ACAT2: variants seen among roughly 807,000 people sequenced by gnomAD.
ACAT2 encodes the protein acetyl-CoA acetyltransferase 2.
In ACAT2, 26 loss-of-function variants were observed where a neutral mutation model predicts 37.1. The ratio of observed to expected loss-of-function variants is 0.70; its 90% confidence interval spans 0.51 to 0.97. ACAT2 has a LOEUF of 0.97. Ranked by LOEUF, ACAT2 falls within the 50% of genes least tolerant of loss-of-function variation. The pLI is 0.00. For synonymous variants in ACAT2, 156 were observed against 163.6 expected (o/e 0.95, Z 0.35); for missense variants, 468 against 489.0 (o/e 0.96, Z 0.40).
At chr6:159,773,968 C>T (rs1214246637) in intron 4 of ACAT2, among the ~76,000 whole-genome samples, 2 of 151,896 alleles carry the variant, frequency 1.3e-5, no homozygotes, top group Non-Finnish European at 2.9e-5. Flanking sequence ...TTGGATAATC[C>T]AAAAAGAACC....
At chr6:159,766,840 A>C (rs1780263067) in intron 2 of ACAT2, among the ~76,000 whole-genome samples, 165 bp from the exon 3 acceptor site, 1 of 152,248 alleles carries the variant, frequency 6.6e-6, no homozygotes, top group Non-Finnish European at 1.5e-5. Context: ...AGACTGTGAC[A>C]GGTGGAGAGT....
chr6:159,778,905 G>T lies in ACAT2; in HGVS notation c.*76G>T. The T allele has an allele frequency of 6.3e-7, 1 of 1,594,144 alleles. No homozygotes were observed. ...TAGGTTGCAATATGTGAAATCAGAG[G>T]ACCAAAGTACAGATGGAAACCATTT... On this transcript the variant is annotated 3_prime_UTR_variant, in exon 9 of 9. Transcript: ENST00000367048.
At chr6:159,763,928 C>T (rs1164934440) in intron 2 of ACAT2, among the ~76,000 whole-genome samples, 1 of 151,732 alleles carries the variant, frequency 6.6e-6, no homozygotes, top group Non-Finnish European at 1.5e-5. Flanking sequence ...GGTGAAACCC[C>T]GTTTCTACTA....
chr6:159,778,046 C>G, intron 7 of ACAT2, 124 bp from the exon 8 acceptor site: 1 of 643,180 alleles, frequency 1.6e-6, no homozygotes, highest in Non-Finnish European at 2.6e-6. Flanking sequence ...CTGTATTAAC[C>G]TAAGAACAAA....
At position 159,768,639 on chromosome 6, in the gene ACAT2, C is replaced by T. The variant is rs773834409; in HGVS notation, c.490+11C>T. On this transcript the variant is annotated intron_variant, in intron 4 of 8. Coordinates refer to ENST00000367048, the MANE Select transcript of ACAT2 (RefSeq NM_005891.3). ...ATATGGGTATTACAGGTAAGGCAGA[C>T]ATGGCTGAAACTGTATTAGCTTTAA... The T allele has an allele frequency of 1.3e-6, 2 of 1,564,334 alleles. No individual in the cohort carries two copies. The highest frequency in any genetic ancestry group is 1.8e-6 in the Non-Finnish European group (2 of 1,134,900).
rs200076181 is a variant in ACAT2, at chr6:159,763,019, G to A, written c.156G>A (p.Val52=). 6.2e-7 allele frequency: 1 copy of A among 1,613,984 alleles called. No individual in the cohort carries two copies. Among genetic ancestry groups the A allele is most frequent in the African/African-American group, 1.3e-5 (1 of 75,032 alleles). The part of the protein sequence containing the change: ...LKRATVAPED[V]SEVIFGHVLA... Reference sequence around the variant, plus strand: ...GGGCCACTGTGGCTCCGGAAGATGTGTCTGAGGTCATCTTTGGACATGTCT... The same window carrying A: ...GGGCCACTGTGGCTCCGGAAGATGTATCTGAGGTCATCTTTGGACATGTCT... The change falls in exon 2 of 9, where the codon GTG becomes GTA. Residue 52 remains valine, a synonymous_variant. Transcript: ENST00000367048.
chr6:159,763,139 C>T (rs1471312573), intron 2 of ACAT2, 86 bp downstream of exon 2: 2 of 1,499,960 alleles, frequency 1.3e-6, no homozygotes, highest in Non-Finnish European at 1.8e-6. Context: ...CACACACTCA[C>T]ACACTCTCTC....
rs889149379 is a variant in ACAT2, at chr6:159,777,229, G to A, written c.758-73G>A. ...AAAATCATTTAACTCATGTCTTCAGGTGGTAAAGAAGCCACAGATATGTAA... is the reference window on the plus strand; with the variant it reads ...AAAATCATTTAACTCATGTCTTCAGATGGTAAAGAAGCCACAGATATGTAA... On this transcript the variant is annotated intron_variant, in intron 6 of 8. Coordinates refer to ENST00000367048, the MANE Select transcript of ACAT2 (RefSeq NM_005891.3). 3.3e-6 allele frequency: 5 copies of A among 1,497,242 alleles called. No individual in the cohort carries two copies. The Admixed American group carries it at 8.1e-5, about 24-fold the overall frequency. The allele number at this position is 1,497,242 out of a possible 1,614,324, so 92.7% of individuals were successfully genotyped here.
chr6:159,762,623 T>G, intron 1 of ACAT2: 1 of 1,414,314 alleles, frequency 7.1e-7, no homozygotes, highest in South Asian at 1.2e-5. Flanking sequence ...CGCCGGTTCC[T>G]TTTGTTTGGG....
At chr6:159,764,220 A>G (rs1045249024) in intron 2 of ACAT2, among the ~76,000 whole-genome samples, 24 of 152,126 alleles carry the variant, frequency 1.6e-4, no homozygotes, top group Non-Finnish European at 1.0e-4. Flanking sequence ...AGTTCCTCCT[A>G]TGTGCCCCAT....
intron 1 of ACAT2, 85 bp downstream of exon 1, chr6:159,762,227 G>C: frequency 6.8e-7 from 1 of 1,464,996 alleles, no homozygotes; most frequent in East Asian, 2.5e-5. Context: ...TGTAGGAGAG[G>C]GGCGTATGTG....
Position 159,777,371 on chromosome 6 carries a change from C to CT in ACAT2, c.830dup (p.Leu277PhefsTer40). The stretch of plus-strand genomic sequence containing the variant: ...GAAGCTGATAAACGTGGGCTTACAC[C>CT]TTTAGCACGGATAGTTTCCTGGTCC... On this transcript the variant is annotated frameshift_variant, in exon 7 of 9. Coordinates refer to ENST00000367048, the MANE Select transcript of ACAT2 (RefSeq NM_005891.3). LOFTEE classifies it high-confidence loss of function. The CT allele has an allele frequency of 6.2e-7, 1 of 1,614,152 alleles. No homozygotes were observed. Among genetic ancestry groups the CT allele is most frequent in the South Asian group, 1.1e-5 (1 of 91,082 alleles).
Position 159,777,320 on chromosome 6 carries a change from C to G in ACAT2, c.776C>G (p.Ala259Gly). The G allele has an allele frequency of 6.2e-7, 1 of 1,613,560 alleles. No individual in the cohort carries two copies. The highest frequency in any genetic ancestry group is 8.5e-7 in the Non-Finnish European group (1 of 1,179,808). Residue 259 changes from alanine to glycine, a missense_variant, in exon 7 of 9, where the codon GCA becomes GGA. Physicochemically the swap from Ala to Gly is moderately conservative, Grantham distance 60 (BLOSUM62 0). Transcript: ENST00000367048. Reference sequence around the variant, plus strand: ...TTTACAGGAATAAATGATGGTGCTGCAGCTGTCGTTCTTATGAAGAAGTCA... The same window carrying G: ...TTTACAGGAATAAATGATGGTGCTGGAGCTGTCGTTCTTATGAAGAAGTCA... Reference protein sequence around the residue: ...ANASGINDGAAAVVLMKKSEA... With the variant: ...ANASGINDGAGAVVLMKKSEA...
intron 4 of ACAT2, among the ~76,000 whole-genome samples, chr6:159,774,669 G>A (rs1462962697): frequency 6.6e-6 from 1 of 152,126 alleles, no homozygotes; most frequent in African/African-American, 2.4e-5. Flanking sequence ...TCAAACTCCT[G>A]GGCTCAAGTG....
At chr6:159,776,378 G>A (rs985229842) in intron 6 of ACAT2, 106 bp downstream of exon 6, 10 of 1,346,508 alleles carry the variant, frequency 7.4e-6, no homozygotes, top group Non-Finnish European at 9.9e-6. Context: ...TTTTGGGACA[G>A]GGACTCACTC....
chr6:159,766,915 T>C (rs930914938), intron 2 of ACAT2, 90 bp from the exon 3 acceptor site: 1 of 1,515,034 alleles, frequency 6.6e-7, no homozygotes. Context: ...AAGTGGCAGG[T>C]AACCCAACTG....
At position 159,776,119 on chromosome 6, in the gene ACAT2, A is replaced by C. The variant is rs888137780; in HGVS notation, c.635-31A>C. 4 of 1,610,546 alleles carry C rather than the reference A, an allele frequency of 2.5e-6. No individual in the cohort carries two copies. The East Asian group carries it at 8.9e-5, about 36-fold the overall frequency. On this transcript the variant is annotated intron_variant, in intron 5 of 8. Coordinates refer to ENST00000367048, the MANE Select transcript of ACAT2 (RefSeq NM_005891.3). The stretch of plus-strand genomic sequence containing the variant: ...GCACACTTACTTCTGTCTCTGGACT[A>C]ATCTTGAGTAATTGGTTTTCCTTTG...
intron 4 of ACAT2, among the ~76,000 whole-genome samples, chr6:159,771,906 G>A (rs927934298): frequency 2.0e-5 from 3 of 151,800 alleles, no homozygotes; most frequent in Non-Finnish European, 2.9e-5. Flanking sequence ...TTAACATAGT[G>A]ACACAACAAC....
chr6:159,768,018 ACT>A (rs1013790222), intron 3 of ACAT2, among the ~76,000 whole-genome samples: 5 of 151,876 alleles, frequency 3.3e-5, no homozygotes, highest in African/African-American at 1.2e-4. Flanking sequence ...CCAATCAATG[ACT>A]CTTTCCATTC....
Sources: allele counts gnomAD v4.1 joint callset (sites outside exome capture counted in the v4.1 genomes callset), GRCh38; gene constraint gnomAD v4.1.1; transcripts MANE v1.5; gene names NCBI Gene and HGNC (gene_info 2026-07-23, HGNC 2026-07-21).